The following NRXN1 variants were observed in gnomAD, a reference collection of about 807,000 sequenced individuals.
NRXN1 encodes neurexin-1.
NRXN1 carries 39 observed loss-of-function variants against 150.9 expected under a neutral mutation model. The ratio of observed to expected loss-of-function variants is 0.26; its 90% confidence interval spans 0.20 to 0.34. The LOEUF is 0.34. Among genes scored for constraint, NRXN1 ranks in the 10% least tolerant of loss-of-function variants. The probability of loss-of-function intolerance (pLI) is 1.00; values close to 1 mark genes in which losing one functional copy is unlikely to be tolerated. For missense variants in NRXN1, 1,815 were observed against 1,949.9 expected, an observed-to-expected ratio of 0.93 and a Z score of 1.30; for synonymous variants, 924 against 757.0, an observed-to-expected ratio of 1.22 and a Z score of -3.62.
chr2:50,395,953 C>T (rs2082026048), intron 17 of NRXN1, among the ~76,000 whole-genome samples: 1 of 152,134 alleles, frequency 6.6e-6, no homozygotes, highest in Admixed American at 6.5e-5. Flanking sequence ...TCTGCTCTGT[C>T]GTTAGGGACT....
chr2:50,443,137 G>A (rs375905729), intron 17 of NRXN1, among the ~76,000 whole-genome samples: 2 of 152,150 alleles, frequency 1.3e-5, no homozygotes, highest in East Asian at 3.9e-4. Context: ...GATGTTTAAG[G>A]TTAGGTCAAG....
At chr2:50,252,424 A>G (rs2067217036) in intron 17 of NRXN1, among the ~76,000 whole-genome samples, 1 of 151,460 alleles carries the variant, frequency 6.6e-6, no homozygotes, top group Admixed American at 6.6e-5. Flanking sequence ...ACACTCAGCT[A>G]ATTTTTGTAC....
chr2:50,063,394 T>C (rs1694857938), intron 19 of NRXN1, among the ~76,000 whole-genome samples: 1 of 152,292 alleles, frequency 6.6e-6, no homozygotes, highest in Non-Finnish European at 1.5e-5. Flanking sequence ...TCCAGTTTCA[T>C]CTTGAACTAC....
intron 19 of NRXN1, among the ~76,000 whole-genome samples, chr2:50,058,487 C>T (rs1693981753): frequency 6.6e-6 from 1 of 152,176 alleles, no homozygotes; most frequent in African/African-American, 2.4e-5. Flanking sequence ...GGTGCTTATT[C>T]AATTCAATAT....
Position 50,417,027 on chromosome 2 carries a change from G to A in NRXN1, c.3364+48415C>T, listed in dbSNP as rs572304881. The A allele has an allele frequency of 4.4e-4, 67 of 152,160 alleles. 1 individual carries two copies. The highest frequency in any genetic ancestry group is 1.6e-3 in the African/African-American group (66 of 41,518). 9.4% of individuals were successfully genotyped at this position (152,160 alleles called of 1,614,324 possible). A position where few individuals can be genotyped will look rare whatever the true frequency, so the allele number is the denominator to read the frequency against. On this transcript the variant is annotated intron_variant, in intron 17 of 22. Transcript: ENST00000401669. ...AAATCTTAATCAAAAAACAGTAACG[G>A]TTTCCTTTTTACAGTTACATAAAAA... is the stretch of plus-strand genomic sequence containing the variant.
intron 5 of NRXN1, among the ~76,000 whole-genome samples, chr2:50,912,566 G>A (rs1319548145): frequency 6.6e-6 from 1 of 151,862 alleles, no homozygotes; most frequent in Admixed American, 6.6e-5. Flanking sequence ...TTTAATGTGA[G>A]TGAAACATGT....
At chr2:50,430,956 C>T (rs1367331992) in intron 17 of NRXN1, among the ~76,000 whole-genome samples, 1 of 152,130 alleles carries the variant, frequency 6.6e-6, no homozygotes, top group Non-Finnish European at 1.5e-5. Context: ...CACAAAGGAG[C>T]CCAAGTTCAT....
intron 5 of NRXN1, among the ~76,000 whole-genome samples, chr2:50,677,339 C>T (rs1397675799): frequency 6.6e-6 from 1 of 152,058 alleles, no homozygotes; most frequent in South Asian, 2.1e-4. Flanking sequence ...TGTGTGCAGG[C>T]TATTGAAAGA....
chr2:50,726,291 T>C (rs766412002), intron 5 of NRXN1, among the ~76,000 whole-genome samples: 3 of 152,222 alleles, frequency 2.0e-5, no homozygotes, highest in Non-Finnish European at 4.4e-5. Flanking sequence ...TTCCTTGAAG[T>C]AGATAAGGCA....
In NRXN1 at chr2:50,577,655, T is replaced by C. The variant is rs189997090; in HGVS notation, c.1321-24630A>G. On this transcript the variant is annotated intron_variant, in intron 8 of 22. Coordinates refer to ENST00000401669, the MANE Select transcript of NRXN1 (RefSeq NM_001330078.2). ...GTTATGATCAACAACTTGGGACATA[T>C]ATAAAGAAAATTCTGCCATAATACA... 1.5e-3 allele frequency among the ~76,000 whole-genome samples: 226 copies of C among 152,138 alleles called. 1 individual carries two copies. Among genetic ancestry groups the C allele is most frequent in the African/African-American group, 5.4e-3 (223 of 41,512 alleles).
At chr2:50,377,182 C>G (rs1456321692) in intron 17 of NRXN1, among the ~76,000 whole-genome samples, 1 of 152,050 alleles carries the variant, frequency 6.6e-6, no homozygotes, top group Non-Finnish European at 1.5e-5. Flanking sequence ...TTTGCTGCAC[C>G]TATCAACCCA....
intron 21 of NRXN1, among the ~76,000 whole-genome samples, chr2:50,017,691 G>A (rs895155745): frequency 2.1e-5 from 3 of 145,874 alleles, no homozygotes; most frequent in Non-Finnish European, 3.0e-5. Context: ...TTTACATTAC[G>A]CGAACCCTGA....
At chr2:50,172,646 A>AT (rs2060102046) in intron 18 of NRXN1, among the ~76,000 whole-genome samples, 1 of 152,288 alleles carries the variant, frequency 6.6e-6, no homozygotes, top group African/African-American at 2.4e-5. Flanking sequence ...TAACTCATTC[A>AT]TTTTTTAGCC....
chr2:50,235,958 C>A (rs935450643), intron 18 of NRXN1, among the ~76,000 whole-genome samples: 2 of 151,998 alleles, frequency 1.3e-5, no homozygotes, highest in African/African-American at 4.8e-5. Context: ...ATATTCATAT[C>A]TCTTAATAAA....
At chr2:50,913,512 A>C (rs922444579) in intron 5 of NRXN1, among the ~76,000 whole-genome samples, 1 of 151,836 alleles carries the variant, frequency 6.6e-6, no homozygotes, top group Non-Finnish European at 1.5e-5. Context: ...ATAAAGCATA[A>C]GTTGTTTTAA....
chr2:50,168,225 C>T (rs948164330), intron 18 of NRXN1, among the ~76,000 whole-genome samples: 29 of 152,124 alleles, frequency 1.9e-4, no homozygotes, highest in African/African-American at 7.0e-4. Context: ...GCATGCATTG[C>T]AAATACTGGA....
At position 50,993,032 on chromosome 2, in the gene NRXN1, G is replaced by T. The variant is rs552114863; in HGVS notation, c.772+34470C>A. 2.0e-5 allele frequency among the ~76,000 whole-genome samples: 3 copies of T among 152,014 alleles called. No homozygotes were observed. In the East Asian group the frequency reaches 5.8e-4, roughly 29 times the overall value. On this transcript the variant is annotated intron_variant, in intron 2 of 22. Coordinates refer to ENST00000401669, the MANE Select transcript of NRXN1 (RefSeq NM_001330078.2). ...TCTAGTGACTTGTGAAATAACGTAT[G>T]CAAGAAATCTAAATACAAGGACATA...
intron 17 of NRXN1, among the ~76,000 whole-genome samples, chr2:50,256,397 A>T (rs1460880426): frequency 6.6e-6 from 1 of 152,150 alleles, no homozygotes; most frequent in Non-Finnish European, 1.5e-5. Context: ...ACAGAATTTT[A>T]TATATCAGAC....
intron 18 of NRXN1, among the ~76,000 whole-genome samples, chr2:50,107,540 T>TATATATATATATA (rs1553617159): frequency 1.2e-4 from 13 of 110,466 alleles, no homozygotes; most frequent in African/African-American, 3.7e-4. Context: ...TATATATATA[T>TATATATATATATA]TTTTTTTTTT....
Sources: allele counts gnomAD v4.1 joint callset (sites outside exome capture counted in the v4.1 genomes callset), GRCh38; gene constraint gnomAD v4.1.1; transcripts MANE v1.5; gene names NCBI Gene and HGNC (gene_info 2026-07-23, HGNC 2026-07-21).